TMX3: variants seen among roughly 807,000 people sequenced by gnomAD.
TMX3 encodes protein disulfide-isomerase TMX3.
TMX3 carries 40 observed loss-of-function variants against 64.4 expected under a neutral mutation model. That is an observed-to-expected ratio of 0.62 (90% CI 0.48 to 0.81). The LOEUF is 0.81. Among genes scored for constraint, TMX3 ranks in the 30% least tolerant of loss-of-function variants. The probability of loss-of-function intolerance (pLI) is 0.00; values close to 1 mark genes in which losing one functional copy is unlikely to be tolerated. For missense variants in TMX3, 497 were observed against 534.5 expected, an observed-to-expected ratio of 0.93 and a Z score of 0.69; for synonymous variants, 189 against 175.7, an observed-to-expected ratio of 1.08 and a Z score of -0.60.
intron 15 of TMX3, 94 bp downstream of exon 15, chr18:68,679,369 G>T: frequency 2.1e-6 from 2 of 938,904 alleles, no homozygotes; most frequent in South Asian, 3.5e-5. Context: ...GACATATTTT[G>T]ACCTAATCTT....
chr18:68,699,731 T>C (rs891241662), intron 6 of TMX3, among the ~76,000 whole-genome samples: 2 of 152,148 alleles, frequency 1.3e-5, no homozygotes, highest in African/African-American at 4.8e-5. Flanking sequence ...AAGCACCGAC[T>C]TTCTTTATAT....
At chr18:68,692,065 G>A (rs1462000763) in intron 8 of TMX3, among the ~76,000 whole-genome samples, 1 of 152,064 alleles carries the variant, frequency 6.6e-6, no homozygotes, top group African/African-American at 2.4e-5. Flanking sequence ...AATTAAAAAG[G>A]GAGGGAGGCA....
chr18:68,694,587 G>C (rs1914872351), intron 8 of TMX3, among the ~76,000 whole-genome samples: 1 of 152,176 alleles, frequency 6.6e-6, no homozygotes, highest in Admixed American at 6.5e-5. Context: ...CAGGCTGAGT[G>C]GGTAGAATAA....
At position 68,686,705 on chromosome 18, in the gene TMX3, C is replaced by CAAA. The variant is rs397975460; in HGVS notation, c.736+959_736+961dup. The CAAA allele has an allele frequency of 7.7e-6, 6 of 776,296 alleles. No homozygotes were observed. In the African/African-American group the frequency reaches 9.7e-5, roughly 12 times the overall value. 48.1% of individuals were successfully genotyped at this position (776,296 alleles called of 1,614,324 possible). On this transcript the variant is annotated intron_variant, in intron 10 of 15. Coordinates refer to ENST00000299608, the MANE Select transcript of TMX3 (RefSeq NM_019022.5). ...CTGGCGACAGAGAGAGACTCCATCTCAAAAAAAAAAAAATCAGAAAGTAAA... is the reference window on the plus strand; with the variant it reads ...CTGGCGACAGAGAGAGACTCCATCTCAAAAAAAAAAAAAAAATCAGAAAGTAAA...
intron 4 of TMX3, among the ~76,000 whole-genome samples, chr18:68,708,997 C>G (rs1271130244): frequency 6.6e-6 from 1 of 152,094 alleles, no homozygotes; most frequent in Non-Finnish European, 1.5e-5. Context: ...AGTAAAATTG[C>G]TGATTTCCTA....
chr18:68,696,449 A>C (rs1345834758), intron 8 of TMX3, among the ~76,000 whole-genome samples: 5 of 142,978 alleles, frequency 3.5e-5, no homozygotes, highest in Admixed American at 6.9e-5. Flanking sequence ...TGGGATTACA[A>C]GCGTAAGCCA....
In TMX3 at chr18:68,675,615, T is replaced by C. The variant is rs942921437; in HGVS notation, c.*1318A>G. On this transcript the variant is annotated 3_prime_UTR_variant, in exon 16 of 16. Transcript: ENST00000299608. ...TTAATAAATGTTCAATAAAATTCTT[T>C]ATAGTGGAAAATTACTCAATGAATA... 7 of 152,176 alleles carry C rather than the reference T, an allele frequency of 4.6e-5. No homozygotes were observed. The highest frequency in any genetic ancestry group is 1.4e-4 in the African/African-American group (6 of 41,454). 9.4% of individuals were successfully genotyped at this position (152,176 alleles called of 1,614,324 possible).
intron 2 of TMX3, among the ~76,000 whole-genome samples, chr18:68,713,156 G>T (rs997627516): frequency 6.6e-6 from 1 of 152,098 alleles, no homozygotes; most frequent in African/African-American, 2.4e-5. Flanking sequence ...CTCTTTATGG[G>T]GGGTGAGAGA....
chr18:68,707,111 G>T (rs149204404), intron 4 of TMX3, among the ~76,000 whole-genome samples: 123 of 152,162 alleles, frequency 8.1e-4, no homozygotes, highest in African/African-American at 2.9e-3. Flanking sequence ...CCTGGTATGT[G>T]CCAGGCATAT....
At chr18:68,700,369 A>T in intron 6 of TMX3, 36 bp downstream of exon 6, 1 of 1,324,324 alleles carries the variant, frequency 7.6e-7, no homozygotes, top group Non-Finnish European at 1.0e-6. Context: ...TTCAAATATT[A>T]ATAACATACA....
chr18:68,713,762 A>T, intron 2 of TMX3, 84 bp downstream of exon 2: 1 of 700,198 alleles, frequency 1.4e-6, no homozygotes, highest in Non-Finnish European at 2.1e-6. Flanking sequence ...GTTCCAATCT[A>T]AAATATTAGA....
Position 68,679,465 on chromosome 18 carries a change from C to T in TMX3, c.1102G>A (p.Val368Met). 1.9e-6 allele frequency: 3 copies of T among 1,610,924 alleles called. No individual in the cohort carries two copies. Among genetic ancestry groups the T allele is most frequent in the Non-Finnish European group, 2.5e-6 (3 of 1,178,116 alleles). Reference protein sequence around the residue: ...RIVFDAKSTIVSIFKSSPLMG... With the variant: ...RIVFDAKSTIMSIFKSSPLMG... The stretch of plus-strand genomic sequence containing the variant: ...TGACATAAACTGTCACAACTTACCA[C>T]AATAGTAGATTTGGCATCAAATACT... The change falls in exon 15 of 16, where the codon GTG becomes ATG. Residue 368 changes from valine to methionine, a missense_variant and splice_region_variant. Around this residue, in one of 3 missense-constraint regions of TMX3, gnomAD observed 43 missense variants for 75.3 expected, o/e 0.57. Coordinates refer to ENST00000299608, the MANE Select transcript of TMX3 (RefSeq NM_019022.5).
chr18:68,697,784 G>A (rs952413827), intron 7 of TMX3, 148 bp downstream of exon 7: 4 of 557,768 alleles, frequency 7.2e-6, no homozygotes, highest in Non-Finnish European at 1.2e-5. Flanking sequence ...ATAGAAGGAA[G>A]TGTTTTTATT....
Position 68,714,948 on chromosome 18 carries a change from G to T in TMX3, c.34C>A (p.Leu12Ile), listed in dbSNP as rs1451765732. ...AAWKSWTALRLCATVVVLDMV... is the reference protein window; with the variant it reads ...AAWKSWTALRICATVVVLDMV... ...GAGCCCCCATTACCTGTGGCGCAGAGCCGCAGGGCCGTCCAACTCTTCCAC... is the reference window on the plus strand; with the variant it reads ...GAGCCCCCATTACCTGTGGCGCAGATCCGCAGGGCCGTCCAACTCTTCCAC... The change falls in exon 1 of 16, where the codon CTC (leucine) becomes ATC (isoleucine). Residue 12 changes from leucine to isoleucine, a missense_variant. Coordinates refer to ENST00000299608, the MANE Select transcript of TMX3 (RefSeq NM_019022.5). 6.4e-7 allele frequency: 1 copy of T among 1,569,924 alleles called. No individual in the cohort carries two copies. Among genetic ancestry groups the T allele is most frequent in the African/African-American group, 1.4e-5 (1 of 73,650 alleles).
chr18:68,677,292 A>C, intron 15 of TMX3, 99 bp from the exon 16 acceptor site: 1 of 1,339,640 alleles, frequency 7.5e-7, no homozygotes, highest in Non-Finnish European at 1.0e-6. Flanking sequence ...TCTTGTTGCT[A>C]TTCAGCTTGT....
intron 4 of TMX3, among the ~76,000 whole-genome samples, chr18:68,704,373 AT>A (rs1453623752): frequency 6.6e-6 from 1 of 152,262 alleles, no homozygotes; most frequent in African/African-American, 2.4e-5. Flanking sequence ...AAATAGGAAG[AT>A]TCGGTAACTC....
chr18:68,711,663 A>C (rs2031288674), intron 2 of TMX3, among the ~76,000 whole-genome samples: 1 of 152,218 alleles, frequency 6.6e-6, no homozygotes, highest in African/African-American at 2.4e-5. Context: ...AAACACAAAC[A>C]GATGCCTAAG....
intron 8 of TMX3, among the ~76,000 whole-genome samples, chr18:68,696,569 C>G (rs187157322): frequency 6.6e-6 from 1 of 151,572 alleles, no homozygotes; most frequent in Non-Finnish European, 1.5e-5. Flanking sequence ...CTCTGCCTCC[C>G]AGGTTCAAGT....
chr18:68,684,817 CTAAGA>C (rs756097524), intron 10 of TMX3, among the ~76,000 whole-genome samples: 71 of 152,132 alleles, frequency 4.7e-4, no homozygotes, highest in Non-Finnish European at 8.4e-4. Context: ...TACAAATTGG[CTAAGA>C]TAACTATTTT....
Sources: gnomAD v4.1 joint callset for allele counts (sites outside exome capture counted in the v4.1 genomes callset) on GRCh38, gnomAD v4.1.1 for gene constraint, gnomAD v4.1.1 regional missense constraint, MANE v1.5 for transcripts, NCBI Gene and HGNC (gene_info 2026-07-23, HGNC 2026-07-21) for gene names.